FGD4: variants seen among roughly 807,000 people sequenced by gnomAD.
FGD4 encodes FYVE, RhoGEF and PH domain containing 4, also known as FYVE, RhoGEF and PH domain-containing protein 4.
FGD4 carries 42 observed loss-of-function variants against 102.0 expected under a neutral mutation model. The observed-to-expected ratio is 0.41, with a 90% CI of 0.32 to 0.53. The LOEUF (loss-of-function observed/expected upper bound fraction) is 0.53, where lower values mean the gene tolerates loss of function less well. Among genes scored for constraint, FGD4 ranks in the 20% least tolerant of loss-of-function variants. FGD4 has a pLI of 0.21. For synonymous variants in FGD4, 380 were observed against 375.7 expected (o/e 1.01, Z -0.13); for missense variants, 902 against 1,078.2 (o/e 0.84, Z 2.29).
intron 10 of FGD4, among the ~76,000 whole-genome samples, chr12:32,613,635 A>C (rs1158941055): frequency 6.6e-6 from 1 of 151,966 alleles, no homozygotes; most frequent in Non-Finnish European, 1.5e-5. Context: ...TTGCACCTGT[A>C]CTCCTAGCTA....
intron 1 of FGD4, among the ~76,000 whole-genome samples, chr12:32,531,371 A>G (rs979885444): frequency 1.3e-5 from 2 of 152,176 alleles, no homozygotes; most frequent in African/African-American, 4.8e-5. Flanking sequence ...GTTTTGACAA[A>G]TGCACGCAGT....
At chr12:32,411,336 C>G (rs931160602) in intron 1 of FGD4, among the ~76,000 whole-genome samples, 3 of 151,592 alleles carry the variant, frequency 2.0e-5, no homozygotes, top group African/African-American at 7.3e-5. Context: ...GGAGTTGAGA[C>G]CAGCCTGACC....
rs1281440663 is a variant in FGD4 at position 32,564,282 on chromosome 12, G to C, written c.312G>C (p.Lys104Asn). The change falls in exon 2 of 17, where the codon AAG becomes AAC. Residue 104 changes from lysine to asparagine, a missense_variant. By Grantham distance (94) the Lys-to-Asn change is moderately conservative. This residue lies in a region of FGD4 where 443 missense variants were observed against 459.2 expected (regional missense o/e 0.96). Coordinates refer to ENST00000534526, the MANE Select transcript of FGD4 (RefSeq NM_001370298.3). Reference protein sequence around the residue: ...RPAKHSAASPKPQVPPKPLHL... With the variant: ...RPAKHSAASPNPQVPPKPLHL... ...CAAAACACTCAGCTGCAAGTCCAAA[G>C]CCACAAGGTATGCTCACTGGGAGTT... The C allele has an allele frequency of 1.3e-6, 2 of 1,535,980 alleles. No homozygotes were observed. The highest frequency in any genetic ancestry group is 3.9e-5 in the Admixed American group (2 of 50,990).
At position 32,576,415 on chromosome 12, in the gene FGD4, G is replaced by A. The variant is rs755068251; in HGVS notation, c.469G>A (p.Val157Ile). 7.6e-5 allele frequency: 122 copies of A among 1,613,894 alleles called. No individual in the cohort carries two copies. The highest frequency in any genetic ancestry group is 9.5e-5 in the Non-Finnish European group (112 of 1,179,996). The change falls in exon 3 of 17, where the codon GTA becomes ATA. Residue 157 changes from valine (V) to isoleucine (I), a missense_variant. This residue lies in a region of FGD4 where 443 missense variants were observed against 459.2 expected (regional missense o/e 0.96). Coordinates refer to ENST00000534526, the MANE Select transcript of FGD4 (RefSeq NM_001370298.3). ...TGTCTCAAAAGAAAAACCCAGTAAG[G>A]TATCAGATCTCATCAGTCGCTTTGA... ...SCVSKEKPSK[V>I]SDLISRFEGG...
chr12:32,494,768 A>G (rs1320816213), intron 1 of FGD4, among the ~76,000 whole-genome samples: 4 of 152,202 alleles, frequency 2.6e-5, no homozygotes, highest in Non-Finnish European at 5.9e-5. Flanking sequence ...GCAAGAACTG[A>G]ACCCAACCTG....
At chr12:32,629,457 G>A (rs989393288) in intron 14 of FGD4, among the ~76,000 whole-genome samples, 1 of 152,218 alleles carries the variant, frequency 6.6e-6, no homozygotes, top group Non-Finnish European at 1.5e-5. Flanking sequence ...CAATTACCCT[G>A]TGAGGAAGGT....
At chr12:32,520,440 G>GTTTTTTTTTTTTTTTTTTTTT (rs1167066001) in intron 1 of FGD4, among the ~76,000 whole-genome samples, 3 of 134,104 alleles carry the variant, frequency 2.2e-5, no homozygotes, top group African/African-American at 2.8e-5. Context: ...TTTGTTTTTT[G>GTTTTTTTTTTTTTTTTTTTTT]TTTTTTTTTT....
chr12:32,421,878 C>T (rs1329979288), intron 1 of FGD4, among the ~76,000 whole-genome samples: 5 of 152,148 alleles, frequency 3.3e-5, no homozygotes, highest in Middle Eastern at 6.8e-3. Flanking sequence ...CAGTGGCTCA[C>T]GTCTATAATC....
At chr12:32,468,544 A>AT (rs1442868769) in intron 1 of FGD4, among the ~76,000 whole-genome samples, 6 of 151,968 alleles carry the variant, frequency 3.9e-5, no homozygotes, top group African/African-American at 1.5e-4. Context: ...TTACGTTAAT[A>AT]TTTTTTCTGA....
At chr12:32,639,367 T>G (rs985476673) in intron 16 of FGD4, among the ~76,000 whole-genome samples, 2 of 152,210 alleles carry the variant, frequency 1.3e-5, no homozygotes, top group African/African-American at 4.8e-5. Context: ...TTTCACCATG[T>G]TGATCAGGCT....
intron 9 of FGD4, 28 bp from the exon 10 acceptor site, chr12:32,611,109 A>G (rs763511185): frequency 5.6e-6 from 9 of 1,613,906 alleles, no homozygotes; most frequent in Non-Finnish European, 7.6e-6. Flanking sequence ...ACCTGCCTGT[A>G]TGTGATCTTG....
At chr12:32,630,045 G>T (rs1397623028) in intron 14 of FGD4, among the ~76,000 whole-genome samples, 1 of 152,134 alleles carries the variant, frequency 6.6e-6, no homozygotes, top group Non-Finnish European at 1.5e-5. Context: ...GTGTCCTCCA[G>T]GCCCCATGGG....
chr12:32,415,657 G>A (rs964777853), intron 1 of FGD4, among the ~76,000 whole-genome samples: 4 of 152,064 alleles, frequency 2.6e-5, no homozygotes, highest in Admixed American at 6.6e-5. Flanking sequence ...TCCTGACCTC[G>A]TGATCTGCCC....
intron 1 of FGD4, among the ~76,000 whole-genome samples, chr12:32,531,507 A>C (rs1249479116): frequency 6.6e-6 from 1 of 152,136 alleles, no homozygotes; most frequent in Non-Finnish European, 1.5e-5. Context: ...TCTGTTTACT[A>C]TTCCTGTAAG....
intron 3 of FGD4, 125 bp from the exon 4 acceptor site, chr12:32,581,835 C>T: frequency 2.0e-6 from 2 of 1,013,884 alleles, no homozygotes; most frequent in Non-Finnish European, 2.9e-6. Flanking sequence ...ATCCATGTTT[C>T]TGAAACCATC....
intron 1 of FGD4, chr12:32,477,279 C>T: frequency 6.6e-6 from 1 of 150,442 alleles, no homozygotes; most frequent in East Asian, 1.9e-4. Flanking sequence ...TAGAGTGAGA[C>T]TCCGTCTCAA....
intron 16 of FGD4, among the ~76,000 whole-genome samples, chr12:32,640,029 A>G (rs1951075076): frequency 6.6e-6 from 1 of 152,030 alleles, no homozygotes. Flanking sequence ...TTTCACAGAG[A>G]GGAGGGTGTA....
chr12:32,597,836 TG>T (rs1948034122), intron 4 of FGD4, among the ~76,000 whole-genome samples: 1 of 152,174 alleles, frequency 6.6e-6, no homozygotes, highest in East Asian at 1.9e-4. Flanking sequence ...GATGGGCATG[TG>T]GGGGTTCACT....
chr12:32,631,110 T>C (rs1489826090), intron 14 of FGD4, among the ~76,000 whole-genome samples: 1 of 152,238 alleles, frequency 6.6e-6, no homozygotes, highest in African/African-American at 2.4e-5. Context: ...TCCAAAAATA[T>C]GTTTCTGATT....
Sources: allele counts gnomAD v4.1 joint callset (sites outside exome capture counted in the v4.1 genomes callset), GRCh38; gene constraint gnomAD v4.1.1; regional missense constraint gnomAD v4.1.1; transcripts MANE v1.5; gene names NCBI Gene and HGNC (gene_info 2026-07-23, HGNC 2026-07-21).